CCDC7: variants seen among roughly 807,000 people sequenced by gnomAD.
CCDC7 encodes coiled-coil domain containing 7, also known as coiled-coil domain-containing protein 7.
CCDC7 carries 183 observed loss-of-function variants against 196.9 expected under a neutral mutation model. The observed-to-expected ratio is 0.93, with a 90% CI of 0.82 to 1.05. The LOEUF is 1.05. Among genes scored for constraint, CCDC7 ranks in the 50% least tolerant of loss-of-function variants. The pLI, the probability that CCDC7 is intolerant of heterozygous loss-of-function variation, is 0.00. For missense variants in CCDC7, 1,540 were observed against 1,482.2 expected (o/e 1.04, Z -0.64); for synonymous variants, 525 against 484.6 (o/e 1.08, Z -1.10).
chr10:32,758,121 C>T (rs1029670801), intron 28 of CCDC7, among the ~76,000 whole-genome samples: 1 of 151,938 alleles, frequency 6.6e-6, no homozygotes. Context: ...GCCTACCAAC[C>T]AAAAAAAGTC....
intron 28 of CCDC7, among the ~76,000 whole-genome samples, chr10:32,769,388 T>C (rs934145057): frequency 2.0e-5 from 3 of 152,048 alleles, no homozygotes; most frequent in Non-Finnish European, 2.9e-5. Flanking sequence ...CTTGGATTTT[T>C]TTTTGGTTAG....
chr10:32,548,017 C>T (rs978724211), intron 13 of CCDC7, among the ~76,000 whole-genome samples: 2 of 152,120 alleles, frequency 1.3e-5, no homozygotes, highest in Non-Finnish European at 2.9e-5. Context: ...AGCTTACCTC[C>T]CACATATCAT....
At position 32,828,503 on chromosome 10, in the gene CCDC7, A is replaced by G. The variant is rs867778552; in HGVS notation, c.3268+3899A>G. On this transcript the variant is annotated intron_variant, in intron 32 of 41. Transcript: ENST00000639629. Reference sequence around the variant, plus strand: ...AGGAAGAGGAAGAAGAAGAAGAAGAAGAAGAAGAAGAAGAAGAAGAAGAAG... The same window carrying G: ...AGGAAGAGGAAGAAGAAGAAGAAGAGGAAGAAGAAGAAGAAGAAGAAGAAG... Among the ~76,000 whole-genome samples, 380 of 120,698 alleles carry G rather than the reference A, an allele frequency of 3.1e-3. 5 individuals are homozygous for G. Among genetic ancestry groups the G allele is most frequent in the East Asian group, 8.3e-3 (27 of 3,248 alleles). 79.2% of individuals were successfully genotyped at this position (120,698 alleles called of 152,430 possible).
At chr10:32,794,220 C>G (rs1311219626) in intron 29 of CCDC7, among the ~76,000 whole-genome samples, 1 of 152,134 alleles carries the variant, frequency 6.6e-6, no homozygotes, top group Non-Finnish European at 1.5e-5. Flanking sequence ...ATAGTGGCCT[C>G]TAGTTGCATC....
chr10:32,655,952 A>G (rs1003132291), intron 20 of CCDC7, among the ~76,000 whole-genome samples: 7 of 152,092 alleles, frequency 4.6e-5, no homozygotes, highest in African/African-American at 1.7e-4. Context: ...TTTGACTATT[A>G]ACTCCTTATC....
At chr10:32,639,629 G>GC (rs1020474267) in intron 20 of CCDC7, among the ~76,000 whole-genome samples, 2 of 133,276 alleles carry the variant, frequency 1.5e-5, no homozygotes, top group Non-Finnish European at 3.2e-5. Flanking sequence ...TTTCTGTTCT[G>GC]TTTTTTTTTT....
exon 8 of CCDC7, chr10:32,474,021 C>T: frequency 6.2e-7 from 1 of 1,610,802 alleles, no homozygotes. Flanking sequence ...GCAACAGAAC[C>T]ACGTAAGTTT....
chr10:32,851,783 A>G (rs1275063082), intron 39 of CCDC7, 24 bp from the exon 41 acceptor site: 1 of 1,601,106 alleles, frequency 6.2e-7, no homozygotes, highest in African/African-American at 1.3e-5. Flanking sequence ...TTGTATGGCT[A>G]ACATATTTTC....
At chr10:32,497,636 C>A (rs2043123715) in intron 9 of CCDC7, among the ~76,000 whole-genome samples, 1 of 152,164 alleles carries the variant, frequency 6.6e-6, no homozygotes, top group South Asian at 2.1e-4. Context: ...TTCCTGCCTT[C>A]ATTTCATTAT....
intron 13 of CCDC7, among the ~76,000 whole-genome samples, chr10:32,556,427 T>A (rs992562644): frequency 3.3e-5 from 5 of 152,180 alleles, no homozygotes; most frequent in African/African-American, 1.2e-4. Context: ...TTGTTTCTCA[T>A]TGAAACATAG....
At chr10:32,654,989 A>G (rs2069513786) in intron 20 of CCDC7, among the ~76,000 whole-genome samples, 1 of 152,126 alleles carries the variant, frequency 6.6e-6, no homozygotes, top group South Asian at 2.1e-4. Flanking sequence ...TTTTTTGACA[A>G]ATGCCCTAGG....
At chr10:32,632,341 A>G (rs2139507930) in intron 18 of CCDC7, among the ~76,000 whole-genome samples, 1 of 151,974 alleles carries the variant, frequency 6.6e-6, no homozygotes, top group East Asian at 1.9e-4. Flanking sequence ...TTTTCGAACT[A>G]TTGAGATGAT....
At chr10:32,725,518 G>A (rs1463041595) in intron 25 of CCDC7, 1 of 410,838 alleles carries the variant, frequency 2.4e-6, no homozygotes, top group African/African-American at 2.1e-5. Context: ...TTAGAATATT[G>A]TGTTCATGCA....
chr10:32,666,106 A>G (rs2072624518), intron 21 of CCDC7, among the ~76,000 whole-genome samples: 1 of 138,774 alleles, frequency 7.2e-6, no homozygotes, highest in African/African-American at 2.7e-5. Context: ...TGGAGTCTTT[A>G]GAGTATTCTT....
intron 28 of CCDC7, among the ~76,000 whole-genome samples, chr10:32,757,352 G>A (rs2076637144): frequency 2.0e-5 from 3 of 152,164 alleles, no homozygotes; most frequent in Non-Finnish European, 4.4e-5. Flanking sequence ...ATAGTTGGAA[G>A]CAAAGCACTC....
chr10:32,678,247 A>G (rs1565102728), intron 21 of CCDC7, among the ~76,000 whole-genome samples: 3 of 152,182 alleles, frequency 2.0e-5, no homozygotes, highest in Middle Eastern at 3.4e-3. Flanking sequence ...TATTTGAGCT[A>G]TATTTTGTTA....
chr10:32,478,349 T>C (rs58454392), intron 8 of CCDC7, among the ~76,000 whole-genome samples: 13,318 of 152,216 alleles, frequency 0.087, 854 homozygotes, highest in East Asian at 0.33. Flanking sequence ...TGATGTTAAA[T>C]AGCATGGTAA....
In CCDC7 at chr10:32,869,790, C is replaced by T. The variant is rs2094355470; in HGVS notation, c.4112-6557C>T. Among the ~76,000 whole-genome samples, 7 of 79,164 alleles carry T rather than the reference C, an allele frequency of 8.8e-5. No individual in the cohort carries two copies. In the South Asian group the frequency reaches 2.6e-3, roughly 29 times the overall value. The allele number at this position is 79,164 out of a possible 152,430, so 51.9% of individuals were successfully genotyped here. On this transcript the variant is annotated intron_variant, in intron 41 of 41. Coordinates refer to ENST00000639629, the Ensembl canonical transcript of CCDC7. ...TTTCAGCTTTCTACATATAGCTAGC[C>T]AGCACCATTTATTAAATAGGGAATC...
chr10:32,687,052 C>G (rs2076544703), intron 22 of CCDC7, among the ~76,000 whole-genome samples: 1 of 152,170 alleles, frequency 6.6e-6, no homozygotes, highest in African/African-American at 2.4e-5. Context: ...TGCTTTATAC[C>G]TACTTCCCTC....
Sources: gnomAD v4.1 joint callset for allele counts (sites outside exome capture counted in the v4.1 genomes callset) on GRCh38, gnomAD v4.1.1 for gene constraint, MANE v1.5 for transcripts, NCBI Gene and HGNC (gene_info 2026-07-23, HGNC 2026-07-21) for gene names.